THBS4: variants seen among roughly 807,000 people sequenced by gnomAD.
THBS4 encodes thrombospondin 4.
In THBS4, 90 loss-of-function variants were observed where a neutral mutation model predicts 115.7. The observed-to-expected ratio is 0.78, with a 90% CI of 0.66 to 0.93. The LOEUF (loss-of-function observed/expected upper bound fraction) is 0.93, where lower values mean the gene tolerates loss of function less well. THBS4 is among the 40% of genes least tolerant of loss of function. THBS4 has a pLI of 0.00. For synonymous variants in THBS4, 460 were observed against 479.3 expected, an observed-to-expected ratio of 0.96 and a Z score of 0.53; for missense variants, 1,087 against 1,232.7, an observed-to-expected ratio of 0.88 and a Z score of 1.77.
intron 10 of THBS4, 93 bp downstream of exon 10, chr5:80,068,218 T>C: frequency 6.8e-7 from 1 of 1,470,442 alleles, no homozygotes; most frequent in Non-Finnish European, 9.3e-7. Flanking sequence ...GTAAAAGTAC[T>C]CCAAAATGAA....
In THBS4 at chr5:80,059,824, C is replaced by G; in HGVS notation, c.906C>G (p.Thr302=). The part of the protein sequence containing the change: ...SNPCFRGVQC[T]DSRDGFQCGP... ...CATGTTTCCGAGGTGTCCAATGTAC[C>G]GACAGTAGAGATGGCTTCCAGTGTG... is the stretch of plus-strand genomic sequence containing the variant. The change falls in exon 7 of 22, where the codon ACC becomes ACG. Residue 302 remains threonine, a synonymous_variant. Transcript: ENST00000350881. 6.2e-7 allele frequency: 1 copy of G among 1,614,124 alleles called. No individual in the cohort carries two copies. Among genetic ancestry groups the G allele is most frequent in the Non-Finnish European group, 8.5e-7 (1 of 1,180,024 alleles).
chr5:80,034,121 C>A (rs1011847758), upstream of THBS4, among the ~76,000 whole-genome samples: 3 of 152,150 alleles, frequency 2.0e-5, no homozygotes, highest in African/African-American at 7.2e-5. Context: ...TATGCACATC[C>A]TCTGTGTCTC....
At position 80,072,332 on chromosome 5, in the gene THBS4, A is replaced by T. The variant is rs773985023; in HGVS notation, c.1775A>T (p.Asp592Val). The T allele has an allele frequency of 6.2e-7, 1 of 1,614,180 alleles. No individual in the cohort carries two copies. Residue 592 changes from aspartate to valine, a missense_variant, in exon 14 of 22, where the codon GAC becomes GTC. Asp to Val is a radical substitution (Grantham distance 152). Transcript: ENST00000350881. Reference protein sequence around the residue: ...CPKFPNRDQRDKDGDGVGDAC... With the variant: ...CPKFPNRDQRVKDGDGVGDAC... ...AAATTTCCCAATCGTGACCAACGGGACAAGGATGGTGATGGTGTGGGGGAT... is the reference window on the plus strand; with the variant it reads ...AAATTTCCCAATCGTGACCAACGGGTCAAGGATGGTGATGGTGTGGGGGAT...
At position 80,035,384 on chromosome 5, in the gene THBS4, G is replaced by T; in HGVS notation, c.-154G>T. ...CCCCAGCACCGCACGGCGGGGACGC[G>T]AGCGCGCCCCCGACGGCAGCCCGGA... is the stretch of plus-strand genomic sequence containing the variant. On this transcript the variant is annotated 5_prime_UTR_variant, in exon 1 of 22. Coordinates refer to ENST00000350881, the MANE Select transcript of THBS4 (RefSeq NM_003248.6). This position sits in a 1 kb window ranked among gnomAD's most constrained non-coding sequence, Gnocchi z 4.6. The T allele has an allele frequency of 3.4e-6, 1 of 290,290 alleles. No homozygotes were observed. The highest frequency in any genetic ancestry group is 1.5e-4 in the South Asian group (1 of 6,824). 18.0% of individuals were successfully genotyped at this position (290,290 alleles called of 1,614,324 possible).
intron 21 of THBS4, 31 bp from the exon 22 acceptor site, chr5:80,083,049 G>C: frequency 1.9e-6 from 3 of 1,606,422 alleles, no homozygotes; most frequent in East Asian, 2.2e-5. Context: ...AAGGAGCCTC[G>C]CTAACCTCCC....
intron 14 of THBS4, 89 bp downstream of exon 14, chr5:80,072,485 G>C: frequency 1.6e-6 from 2 of 1,215,532 alleles, no homozygotes; most frequent in Non-Finnish European, 2.4e-6. Context: ...AAACAGCAGA[G>C]CCTCTTAGCT....
chr5:80,049,288 G>C (rs1833176190), intron 2 of THBS4, among the ~76,000 whole-genome samples: 1 of 152,188 alleles, frequency 6.6e-6, no homozygotes, highest in Non-Finnish European at 1.5e-5. Flanking sequence ...TATTTAATCA[G>C]ACTGGGCTAT....
At chr5:80,047,550 G>A (rs868033310) in intron 2 of THBS4, among the ~76,000 whole-genome samples, 4 of 152,036 alleles carry the variant, frequency 2.6e-5, no homozygotes, top group South Asian at 2.1e-4. Flanking sequence ...GCTCATGCCT[G>A]TAATCCCAGC....
chr5:80,005,708 T>A (rs987530344), intron 2 of THBS4, among the ~76,000 whole-genome samples: 15 of 151,870 alleles, frequency 9.9e-5, no homozygotes, highest in African/African-American at 3.6e-4. Flanking sequence ...AAATGACATA[T>A]GTTAGAGATG....
In THBS4 at chr5:80,062,841, A is replaced by G. The variant is rs1336693231; in HGVS notation, c.1125+1009A>G. Among the ~76,000 whole-genome samples, 5 of 152,188 alleles carry G rather than the reference A, an allele frequency of 3.3e-5. No homozygotes were observed. In the East Asian group the frequency reaches 5.8e-4, roughly 18 times the overall value. On this transcript the variant is annotated intron_variant, in intron 8 of 21. Coordinates refer to ENST00000350881, the MANE Select transcript of THBS4 (RefSeq NM_003248.6). Reference sequence around the variant, plus strand: ...AGAATGATGGTTTCTAGCTTCATCCATGTCCCTACAAAGGACATGAACTCA... The same window carrying G: ...AGAATGATGGTTTCTAGCTTCATCCGTGTCCCTACAAAGGACATGAACTCA...
chr5:80,033,133 C>T (rs1042500309), upstream of THBS4: 20 of 330,640 alleles, frequency 6.0e-5, no homozygotes, highest in African/African-American at 2.0e-4. Flanking sequence ...AAAATACACA[C>T]GGTCATAAAA....
chr5:80,017,407 A>G (rs555256230), intron 2 of THBS4, among the ~76,000 whole-genome samples: 2 of 152,150 alleles, frequency 1.3e-5, no homozygotes, highest in Non-Finnish European at 1.5e-5. Context: ...TCTTCCATCT[A>G]CTAATTTTTA....
chr5:80,075,239 G>C (rs1743145132), intron 15 of THBS4: 1 of 152,180 alleles, frequency 6.6e-6, no homozygotes, highest in Non-Finnish European at 1.5e-5. Context: ...CGCGGATACA[G>C]AGGCCTGACT....
At chr5:80,065,523 T>C (rs1833786586) in intron 9 of THBS4, 46 bp downstream of exon 9, 3 of 1,555,334 alleles carry the variant, frequency 1.9e-6, no homozygotes, top group Non-Finnish European at 2.7e-6. Context: ...AACCGGTTAT[T>C]AAAACAAGTG....
Position 80,072,406 on chromosome 5 carries a change from A to G in THBS4, c.1839+10A>G. 6.2e-7 allele frequency: 1 copy of G among 1,606,936 alleles called. No homozygotes were observed. The highest frequency in any genetic ancestry group is 8.5e-7 in the Non-Finnish European group (1 of 1,173,770). On this transcript the variant is annotated intron_variant, in intron 14 of 21. Coordinates refer to ENST00000350881, the MANE Select transcript of THBS4 (RefSeq NM_003248.6). ...CAGCAACCCTAACCAGGTTAGTAGGATACTGGGGAATTCAAACTCCAGGCT... is the reference window on the plus strand; with the variant it reads ...CAGCAACCCTAACCAGGTTAGTAGGGTACTGGGGAATTCAAACTCCAGGCT...
rs1267272855 is a variant in THBS4 at position 80,082,448 on chromosome 5, C to T, written c.2727C>T (p.Gly909=). ...YEGSELVADS[G]VTIDTTMRGG... is the part of the protein sequence containing the mutation. ...GCTCTGAGTTGGTGGCTGACTCTGG[C>T]GTCACCATAGACACCACAATGCGTG... The change falls in exon 21 of 22, where the codon GGC becomes GGT. Residue 909 remains glycine, a synonymous_variant. Transcript: ENST00000350881. 6 of 1,614,180 alleles carry T rather than the reference C, an allele frequency of 3.7e-6. No homozygotes were observed. The South Asian group carries it at 6.6e-5, about 18-fold the overall frequency.
In THBS4 at chr5:80,040,119, G is replaced by C; in HGVS notation, c.131G>C (p.Gly44Ala). The C allele has an allele frequency of 1.2e-6, 2 of 1,613,912 alleles. No individual in the cohort carries two copies. The highest frequency in any genetic ancestry group is 1.7e-6 in the Non-Finnish European group (2 of 1,180,006). The change falls in exon 2 of 22, where the codon GGC becomes GCC. Residue 44 changes from glycine to alanine, a missense_variant. Around this residue, in one of 3 missense-constraint regions of THBS4, gnomAD observed 979 missense variants for 1,103.7 expected, o/e 0.89. Transcript: ENST00000350881. ...TCTTCCAGTCAGAGGCTAAACCCAGGCGCTCTGCTGCCAGTCCTGACAGAC... is the reference window on the plus strand; with the variant it reads ...TCTTCCAGTCAGAGGCTAAACCCAGCCGCTCTGCTGCCAGTCCTGACAGAC... ...LPSSSQRLNP[G>A]ALLPVLTDPA...
At chr5:80,017,591 A>G (rs904477111) in intron 2 of THBS4, among the ~76,000 whole-genome samples, 5 of 152,056 alleles carry the variant, frequency 3.3e-5, no homozygotes, top group African/African-American at 1.2e-4. Context: ...TGTTAGTTCT[A>G]TTTTGCTTTT....
At chr5:80,080,577 A>ATTTTTTTTTTTTTTTTTT (rs1743442985) in intron 20 of THBS4, among the ~76,000 whole-genome samples, 1 of 66,824 alleles carries the variant, frequency 1.5e-5, no homozygotes, top group East Asian at 6.5e-4. Context: ...CAGCGCTTGT[A>ATTTTTTTTTTTTTTTTTT]TCTTTTTTTT....
Sources: gnomAD v4.1 joint callset for allele counts (sites outside exome capture counted in the v4.1 genomes callset) on GRCh38, gnomAD v4.1.1 for gene constraint, gnomAD v4.1.1 regional missense constraint, Gnocchi (gnomAD v3.1) non-coding constraint, MANE v1.5 for transcripts, NCBI Gene and HGNC (gene_info 2026-07-23, HGNC 2026-07-21) for gene names.